MAML2: variants seen among roughly 807,000 people sequenced by gnomAD.
MAML2 encodes the protein mastermind like transcriptional coactivator 2.
In MAML2, 22 loss-of-function variants were observed where a neutral mutation model predicts 96.1. The observed-to-expected ratio is 0.23, with a 90% CI of 0.16 to 0.33. MAML2 has a LOEUF of 0.33. MAML2 is among the 10% of genes least tolerant of loss of function. MAML2 has a pLI of 1.00. For missense variants in MAML2, 1,367 were observed against 1,392.4 expected (o/e 0.98, Z 0.29); for synonymous variants, 561 against 521.3 (o/e 1.08, Z -1.04).
chr11:95,983,854 C>CA (rs896515236), intron 4 of MAML2, among the ~76,000 whole-genome samples: 1 of 151,548 alleles, frequency 6.6e-6, no homozygotes, highest in Non-Finnish European at 1.5e-5. Context: ...TAAAGCAAAG[C>CA]AAAAAAATTA....
intron 1 of MAML2, among the ~76,000 whole-genome samples, chr11:96,301,430 T>C (rs1027346956): frequency 1.3e-5 from 2 of 152,168 alleles, no homozygotes; most frequent in East Asian, 3.9e-4. Context: ...AGCCCACCTG[T>C]CAGTAACCAC....
chr11:96,061,986 T>C (rs1288109768), intron 2 of MAML2, among the ~76,000 whole-genome samples: 2 of 152,314 alleles, frequency 1.3e-5, no homozygotes, highest in Non-Finnish European at 1.5e-5. Flanking sequence ...ACTATCATAC[T>C]ATGAGAGACG....
At chr11:95,985,478 G>T in intron 4 of MAML2, 53 bp downstream of exon 4, 1 of 1,078,248 alleles carries the variant, frequency 9.3e-7, no homozygotes, top group Non-Finnish European at 1.3e-6. Flanking sequence ...GAAAATTGAA[G>T]TTTTTTTTTC....
At chr11:95,988,897 A>T (rs868227182) in intron 3 of MAML2, among the ~76,000 whole-genome samples, 11 of 152,034 alleles carry the variant, frequency 7.2e-5, no homozygotes, top group Non-Finnish European at 1.2e-4. Context: ...GGACTTGAAA[A>T]CCCATTATAG....
At chr11:96,103,152 T>C (rs1356713411) in intron 1 of MAML2, among the ~76,000 whole-genome samples, 1 of 152,164 alleles carries the variant, frequency 6.6e-6, no homozygotes, top group Non-Finnish European at 1.5e-5. Context: ...ATATTGTTCT[T>C]GGTAATTGAT....
intron 1 of MAML2, among the ~76,000 whole-genome samples, chr11:96,252,570 C>T (rs943907648): frequency 2.0e-5 from 3 of 151,832 alleles, no homozygotes; most frequent in Admixed American, 1.3e-4. Flanking sequence ...GGACTACAGG[C>T]GCGTGTCACC....
chr11:96,068,915 C>CTTTTTT (rs71040128), intron 2 of MAML2, among the ~76,000 whole-genome samples: 1 of 106,490 alleles, frequency 9.4e-6, no homozygotes, highest in African/African-American at 3.7e-5. Context: ...TTCTTCCCTC[C>CTTTTTT]TTTTTTTTTT....
At chr11:96,282,511 C>A (rs1863086545) in intron 1 of MAML2, among the ~76,000 whole-genome samples, 1 of 152,110 alleles carries the variant, frequency 6.6e-6, no homozygotes, top group African/African-American at 2.4e-5. Context: ...AAATCTGCGG[C>A]AATTTTTCTA....
At position 96,090,855 on chromosome 11, in the gene MAML2, T is replaced by C. The variant is rs528251434; in HGVS notation, c.2139+1037A>G. ...TCTGGGCAATAGCCACGAAAACTACTCTAGGAATGTTATTGGAATTAGGAT... is the reference window on the plus strand; with the variant it reads ...TCTGGGCAATAGCCACGAAAACTACCCTAGGAATGTTATTGGAATTAGGAT... On this transcript the variant is annotated intron_variant, in intron 2 of 4. Coordinates refer to ENST00000524717, the MANE Select transcript of MAML2 (RefSeq NM_032427.4). 3.9e-5 allele frequency among the ~76,000 whole-genome samples: 6 copies of C among 152,320 alleles called. No homozygotes were observed. In the East Asian group the frequency reaches 1.2e-3, roughly 29 times the overall value.
intron 1 of MAML2, among the ~76,000 whole-genome samples, chr11:96,209,687 A>C (rs1167459280): frequency 1.3e-5 from 2 of 152,214 alleles, no homozygotes; most frequent in Non-Finnish European, 2.9e-5. Context: ...GATATTCTGA[A>C]GATAATTAAC....
At chr11:96,030,202 C>G (rs1858591065) in intron 2 of MAML2, among the ~76,000 whole-genome samples, 1 of 151,520 alleles carries the variant, frequency 6.6e-6, no homozygotes, top group African/African-American at 2.4e-5. Context: ...CGCCACTGCA[C>G]TCCAGCCTGG....
chr11:96,023,904 C>T (rs995404817), intron 2 of MAML2, among the ~76,000 whole-genome samples: 4 of 152,138 alleles, frequency 2.6e-5, no homozygotes, highest in Non-Finnish European at 4.4e-5. Context: ...GGCAGTTTTG[C>T]TGAATAAGGA....
chr11:96,267,195 G>A (rs992025513), intron 1 of MAML2, among the ~76,000 whole-genome samples: 13 of 152,182 alleles, frequency 8.5e-5, no homozygotes, highest in Non-Finnish European at 1.3e-4. Flanking sequence ...CCAAGCTGAT[G>A]AGTAAAGTAC....
chr11:96,195,730 T>C (rs1016897936), intron 1 of MAML2, among the ~76,000 whole-genome samples: 1 of 152,232 alleles, frequency 6.6e-6, no homozygotes, highest in African/African-American at 2.4e-5. Context: ...GTAAAGTCTT[T>C]TAGACTTGGT....
chr11:96,257,856 C>G (rs1862690298), intron 1 of MAML2, among the ~76,000 whole-genome samples: 1 of 152,138 alleles, frequency 6.6e-6, no homozygotes, highest in Admixed American at 6.5e-5. Context: ...GGAAGAGGAG[C>G]AAAGGGGATG....
chr11:96,191,187 C>T (rs1450369445), intron 1 of MAML2, among the ~76,000 whole-genome samples: 4 of 152,048 alleles, frequency 2.6e-5, no homozygotes, highest in Non-Finnish European at 5.9e-5. Context: ...GGAACTAGGC[C>T]GGGCGCAGTG....
At chr11:96,031,774 A>G (rs2135746481) in intron 2 of MAML2, among the ~76,000 whole-genome samples, 1 of 152,228 alleles carries the variant, frequency 6.6e-6, no homozygotes, top group South Asian at 2.1e-4. Flanking sequence ...TCACGAAGTC[A>G]GGAGATCGAG....
chr11:96,160,898 G>A (rs146220631), intron 1 of MAML2, among the ~76,000 whole-genome samples: 164 of 152,314 alleles, frequency 1.1e-3, no homozygotes, highest in African/African-American at 3.7e-3. Context: ...AGAGCACACA[G>A]TGTGGTTTGA....
intron 1 of MAML2, among the ~76,000 whole-genome samples, chr11:96,246,015 A>C (rs1862507982): frequency 6.6e-6 from 1 of 150,854 alleles, no homozygotes; most frequent in Non-Finnish European, 1.5e-5. Context: ...TTAATTCTTT[A>C]TATTTCACAT....
Sources: allele counts gnomAD v4.1 joint callset (sites outside exome capture counted in the v4.1 genomes callset), GRCh38; gene constraint gnomAD v4.1.1; transcripts MANE v1.5; gene names NCBI Gene and HGNC (gene_info 2026-07-23, HGNC 2026-07-21).